CACNA1B: variants seen among roughly 807,000 people sequenced by gnomAD.
CACNA1B encodes the protein voltage-dependent N-type calcium channel subunit alpha-1B.
CACNA1B carries 70 observed loss-of-function variants against 247.2 expected under a neutral mutation model. The observed-to-expected ratio is 0.28, with a 90% CI of 0.23 to 0.35. CACNA1B has a LOEUF of 0.35. CACNA1B is among the 10% of genes least tolerant of loss of function. CACNA1B has a pLI of 1.00. For synonymous variants in CACNA1B, 1,231 were observed against 1,294.4 expected, an observed-to-expected ratio of 0.95 and a Z score of 1.05; for missense variants, 2,367 against 3,197.4, an observed-to-expected ratio of 0.74 and a Z score of 6.26.
intron 19 of CACNA1B, 93 bp downstream of exon 19, chr9:138,023,904 A>T: frequency 1.5e-6 from 1 of 666,558 alleles, no homozygotes; most frequent in Admixed American, 2.5e-5. Flanking sequence ...TCCACGGCGG[A>T]GGCTGCAGCC....
chr9:138,007,841 C>T lies in CACNA1B; in HGVS notation c.2092+957C>T, dbSNP rs1462976035. Among the ~76,000 whole-genome samples, 1 of 152,208 alleles carries T rather than the reference C, an allele frequency of 6.6e-6. No homozygotes were observed. The highest frequency in any genetic ancestry group is 1.5e-5 in the Non-Finnish European group (1 of 68,030). The stretch of plus-strand genomic sequence containing the variant: ...ACCCCGAACTTCTCACACACGATGG[C>T]CACTCCACCCCGTCTGTCTGTCCTC... On this transcript the variant is annotated intron_variant, in intron 16 of 46. Transcript: ENST00000371372. This position sits in a 1 kb window ranked among gnomAD's most constrained non-coding sequence, Gnocchi z 4.1.
rs1277134720 is a variant in CACNA1B at position 137,971,187 on chromosome 9, C to T, written c.1334-196C>T. ...CAATCTGGCTCTCACATCTGGCACC[C>T]AGTAACCATGGAGATCATCAGGGCC... On this transcript the variant is annotated intron_variant, in intron 10 of 46. Coordinates refer to ENST00000371372, the MANE Select transcript of CACNA1B (RefSeq NM_000718.4). This position sits in a 1 kb window ranked among gnomAD's most constrained non-coding sequence, Gnocchi z 4.4. Among the ~76,000 whole-genome samples, 1 of 152,130 alleles carries T rather than the reference C, an allele frequency of 6.6e-6. No homozygotes were observed. Among genetic ancestry groups the T allele is most frequent in the Non-Finnish European group, 1.5e-5 (1 of 68,020 alleles).
chr9:138,100,594 G>T lies in CACNA1B; in HGVS notation c.5223-2117G>T, dbSNP rs1182255065. Among the ~76,000 whole-genome samples the T allele has an allele frequency of 6.6e-6, 1 of 152,180 alleles. No homozygotes were observed. Among genetic ancestry groups the T allele is most frequent in the Non-Finnish European group, 1.5e-5 (1 of 68,020 alleles). On this transcript the variant is annotated intron_variant, in intron 37 of 46. Transcript: ENST00000371372. The surrounding 1 kb of genome is among the most constrained non-coding windows in gnomAD (Gnocchi z 4.6). ...TACACTGTAGGAGAGAGGAGCATTG[G>T]TGGTGATCCAAGGATGCCAGCCTAC... is the stretch of plus-strand genomic sequence containing the variant.
At chr9:138,090,941 A>G (rs2131335634) in intron 36 of CACNA1B, among the ~76,000 whole-genome samples, 1 of 152,158 alleles carries the variant, frequency 6.6e-6, no homozygotes, top group Non-Finnish European at 1.5e-5. Context: ...ATGAGAATGG[A>G]GAGAAAGGAG....
At chr9:137,991,946 G>A (rs966866183) in intron 15 of CACNA1B, among the ~76,000 whole-genome samples, 1 of 152,030 alleles carries the variant, frequency 6.6e-6, no homozygotes. Context: ...GGAGCTCTAA[G>A]TCTTGAAAAA....
chr9:137,911,731 A>G (rs563515371), intron 3 of CACNA1B, among the ~76,000 whole-genome samples: 3 of 152,132 alleles, frequency 2.0e-5, no homozygotes, highest in East Asian at 1.9e-4. Context: ...TATTTATCCT[A>G]TTTTTGACCC....
In CACNA1B at chr9:137,992,162, A is replaced by T. The variant is rs1038810516; in HGVS notation, c.1974+5308A>T. ...GATAGAGAATGGCAGAATGGATAAG[A>T]ATTCACCAACCATGTTTCTGCTGTC... On this transcript the variant is annotated intron_variant, in intron 15 of 46. Coordinates refer to ENST00000371372, the MANE Select transcript of CACNA1B (RefSeq NM_000718.4). Among the ~76,000 whole-genome samples, 48 of 152,212 alleles carry T rather than the reference A, an allele frequency of 3.2e-4. 1 individual carries two copies. Among genetic ancestry groups the T allele is most frequent in the Admixed American group, 5.9e-4 (9 of 15,290 alleles).
At chr9:137,906,908 G>T (rs529111993) in intron 3 of CACNA1B, among the ~76,000 whole-genome samples, 1 of 152,354 alleles carries the variant, frequency 6.6e-6, no homozygotes, top group South Asian at 2.1e-4. Context: ...TGTACATTGG[G>T]AGTTAGCTTG....
Position 137,954,897 on chromosome 9 carries a change from A to T in CACNA1B, c.1071-801A>T, listed in dbSNP as rs575532083. On this transcript the variant is annotated intron_variant, in intron 7 of 46. Transcript: ENST00000371372. This position sits in a 1 kb window ranked among gnomAD's most constrained non-coding sequence, Gnocchi z 4.1. Reference sequence around the variant, plus strand: ...GTGTGTGTGAGAGAGAGAGAGAGAGAGAGAGGGGGAGAGAGAGAGAGAGAG... The same window carrying T: ...GTGTGTGTGAGAGAGAGAGAGAGAGTGAGAGGGGGAGAGAGAGAGAGAGAG... Among the ~76,000 whole-genome samples, 29 of 106,102 alleles carry T rather than the reference A, an allele frequency of 2.7e-4. No individual in the cohort carries two copies. The East Asian group carries it at 0.012, about 45-fold the overall frequency. The allele number at this position is 106,102 out of a possible 152,430, so 69.6% of individuals were successfully genotyped here. A position where few individuals can be genotyped will look rare whatever the true frequency, so the allele number is the denominator to read the frequency against.
At chr9:137,885,050 T>G (rs965216760) in intron 3 of CACNA1B, among the ~76,000 whole-genome samples, 2 of 138,828 alleles carry the variant, frequency 1.4e-5, no homozygotes, top group African/African-American at 2.7e-5. Flanking sequence ...GGTGTCTCTC[T>G]GCCTCTCCCT....
Position 137,914,851 on chromosome 9 carries a change from G to A in CACNA1B, c.775+45G>A. ...TCCAGCACAGGCAAGTGCCACGGATGCGTTCATCCAGGAGATGGGCACTGT... is the reference window on the plus strand; with the variant it reads ...TCCAGCACAGGCAAGTGCCACGGATACGTTCATCCAGGAGATGGGCACTGT... On this transcript the variant is annotated intron_variant, in intron 5 of 46. Transcript: ENST00000371372. This position sits in a 1 kb window ranked among gnomAD's most constrained non-coding sequence, Gnocchi z 4.3. 1 of 1,605,250 alleles carries A rather than the reference G, an allele frequency of 6.2e-7. No individual in the cohort carries two copies. The highest frequency in any genetic ancestry group is 2.2e-5 in the East Asian group (1 of 44,804).
intron 3 of CACNA1B, among the ~76,000 whole-genome samples, chr9:137,903,651 T>C (rs1957265094): frequency 6.6e-6 from 1 of 152,246 alleles, no homozygotes; most frequent in South Asian, 2.1e-4. Context: ...TTTATCAGAA[T>C]CTATAAATTG....
chr9:137,921,137 AAAAGAAGGCCCAAGGCTG>A (rs999718582), intron 6 of CACNA1B, among the ~76,000 whole-genome samples: 16 of 152,142 alleles, frequency 1.1e-4, no homozygotes, highest in African/African-American at 3.9e-4. Flanking sequence ...GCAGATGGAG[AAAAGAAGGCCCAAGGCTG>A]ATACTGGGGA....
At chr9:138,112,301 C>A in intron 39 of CACNA1B, 97 bp from the exon 40 acceptor site, 1 of 811,142 alleles carries the variant, frequency 1.2e-6, no homozygotes. Flanking sequence ...CTACACCATT[C>A]ATCTCCCCAC....
chr9:137,976,368 A>AC (rs1158790254), intron 12 of CACNA1B, among the ~76,000 whole-genome samples: 3 of 152,208 alleles, frequency 2.0e-5, no homozygotes, highest in African/African-American at 7.2e-5. Flanking sequence ...AGTGGAGCTC[A>AC]GGGGGGCTCT....
In CACNA1B at chr9:138,121,625, G is replaced by T. The variant is rs1167202492; in HGVS notation, c.6646G>T (p.Ala2216Ser). ...CTCCTCACCCATCCACTTCGCCGGGGCTCAGACCAGCCTCCCTGCCTTCTC... is the reference window on the plus strand; with the variant it reads ...CTCCTCACCCATCCACTTCGCCGGGTCTCAGACCAGCCTCCCTGCCTTCTC... ...ANSSPIHFAG[A>S]QTSLPAFSPG... is the part of the protein sequence containing the mutation. The change falls in exon 47 of 47, where the codon GCT becomes TCT. Residue 2216 changes from alanine to serine, a missense_variant. This residue lies in a region of CACNA1B where 773 missense variants were observed against 779.4 expected (regional missense o/e 0.99). Transcript: ENST00000371372. The surrounding 1 kb of genome is among the most constrained non-coding windows in gnomAD (Gnocchi z 6.8). The T allele has an allele frequency of 6.2e-7, 1 of 1,612,946 alleles. No homozygotes were observed. The highest frequency in any genetic ancestry group is 1.1e-5 in the South Asian group (1 of 91,020).
At chr9:137,997,502 T>C (rs1958514222) in intron 15 of CACNA1B, among the ~76,000 whole-genome samples, 1 of 152,042 alleles carries the variant, frequency 6.6e-6, no homozygotes, top group South Asian at 2.1e-4. Context: ...TCTAGATAAA[T>C]TAAAAGACAA....
At chr9:138,080,169 A>G (rs1038102684) in intron 36 of CACNA1B, among the ~76,000 whole-genome samples, 3 of 152,188 alleles carry the variant, frequency 2.0e-5, no homozygotes, top group Non-Finnish European at 2.9e-5. Context: ...TGGATTATCC[A>G]GATTCGGGAT....
chr9:137,946,312 A>T (rs1289008955), intron 6 of CACNA1B, among the ~76,000 whole-genome samples: 1 of 152,176 alleles, frequency 6.6e-6, no homozygotes, highest in Non-Finnish European at 1.5e-5. Context: ...CCTAGGAGAC[A>T]TTATCTTTTG....
Sources: gnomAD v4.1 joint callset for allele counts (sites outside exome capture counted in the v4.1 genomes callset) on GRCh38, gnomAD v4.1.1 for gene constraint, gnomAD v4.1.1 regional missense constraint, Gnocchi (gnomAD v3.1) non-coding constraint, MANE v1.5 for transcripts, NCBI Gene and HGNC (gene_info 2026-07-23, HGNC 2026-07-21) for gene names.